The following NEK9 variants were observed in gnomAD, a reference collection of about 807,000 sequenced individuals.
The protein encoded by NEK9 is serine/threonine-protein kinase Nek9.
In NEK9, 75 loss-of-function variants were observed where a neutral mutation model predicts 123.4. The observed-to-expected ratio is 0.61, with a 90% CI of 0.50 to 0.74. The LOEUF is 0.74. Ranked by LOEUF, NEK9 falls within the 30% of genes least tolerant of loss-of-function variation. The pLI is 0.00. For synonymous variants in NEK9, 438 were observed against 458.7 expected (o/e 0.95, Z 0.58); for missense variants, 952 against 1,214.4 (o/e 0.78, Z 3.21).
At chr14:75,122,435 G>A (rs1338286656) in intron 2 of NEK9, among the ~76,000 whole-genome samples, 3 of 152,184 alleles carry the variant, frequency 2.0e-5, no homozygotes, top group Admixed American at 2.0e-4. Flanking sequence ...AGCTAGTACA[G>A]TATGTAGCAA....
At chr14:75,100,095 C>CTCTTT (rs1324112315) in intron 16 of NEK9, among the ~76,000 whole-genome samples, 2 of 114,366 alleles carry the variant, frequency 1.7e-5, no homozygotes, top group Non-Finnish European at 3.3e-5. Context: ...CGCCATTGTA[C>CTCTTT]TCTAGGCTGG....
chr14:75,103,077 C>A (rs374824428), intron 14 of NEK9, among the ~76,000 whole-genome samples: 4 of 151,726 alleles, frequency 2.6e-5, no homozygotes, highest in South Asian at 2.1e-4. Flanking sequence ...TAGCATTAGG[C>A]GATATACCTA....
At chr14:75,101,528 A>G (rs1238170524) in intron 15 of NEK9, 129 bp downstream of exon 15, 2 of 582,114 alleles carry the variant, frequency 3.4e-6, no homozygotes, top group Non-Finnish European at 6.1e-6. Flanking sequence ...GTACCTGAAT[A>G]CATTAATGAA....
chr14:75,122,789 CTTTTTTTT>C (rs35799337), intron 2 of NEK9, among the ~76,000 whole-genome samples: 105 of 80,126 alleles, frequency 1.3e-3, no homozygotes, highest in African/African-American at 5.1e-3. Flanking sequence ...CCACGCCCAG[CTTTTTTTT>C]TTTTTTTTTT....
At chr14:75,120,455 G>T in intron 4 of NEK9, 55 bp downstream of exon 4, 2 of 1,269,332 alleles carry the variant, frequency 1.6e-6, no homozygotes, top group Non-Finnish European at 2.3e-6. Context: ...GGGTATCCAC[G>T]GTAGGGGCTG....
chr14:75,121,035 A>G (rs745800237), intron 3 of NEK9, 84 bp downstream of exon 3: 1 of 1,099,708 alleles, frequency 9.1e-7, no homozygotes, highest in Admixed American at 1.7e-5. Context: ...AACACTCTTC[A>G]CTATTGGAAG....
chr14:75,113,256 ACTC>A (rs1043311710), intron 8 of NEK9, 80 bp downstream of exon 8: 372 of 1,042,482 alleles, frequency 3.6e-4, no homozygotes, highest in Non-Finnish European at 3.7e-4. Flanking sequence ...AGGAAACACT[ACTC>A]TTTCTTTTAG....
rs879161305 is a variant in NEK9, at chr14:75,109,550, A to G, written c.1182+135T>C. 23 of 748,622 alleles carry G rather than the reference A, an allele frequency of 3.1e-5. 1 individual carries two copies. The South Asian group carries it at 3.3e-4, about 11-fold the overall frequency. The allele number at this position is 748,622 out of a possible 1,614,324, so 46.4% of individuals were successfully genotyped here. A position where few individuals can be genotyped will look rare whatever the true frequency, so the allele number is the denominator to read the frequency against. On this transcript the variant is annotated intron_variant, in intron 10 of 21. Coordinates refer to ENST00000238616, the MANE Select transcript of NEK9 (RefSeq NM_033116.6). Reference sequence around the variant, plus strand: ...CTAAACAGACAAAATCCCTGCTCTTATAAGAGCTTCCATTCCATCACCCCA... The same window carrying G: ...CTAAACAGACAAAATCCCTGCTCTTGTAAGAGCTTCCATTCCATCACCCCA...
At chr14:75,115,111 G>GCACATATATGCACA (rs1246829995) in intron 6 of NEK9, among the ~76,000 whole-genome samples, 1 of 15,490 alleles carries the variant, frequency 6.5e-5, no homozygotes, top group Non-Finnish European at 1.8e-4. Flanking sequence ...ACACGTGTGT[G>GCACATATATGCACA]CGTACACACA....
At chr14:75,121,376 CCTCT>C (rs1163235194) in intron 2 of NEK9, among the ~76,000 whole-genome samples, 2 of 152,134 alleles carry the variant, frequency 1.3e-5, no homozygotes, top group African/African-American at 2.4e-5. Context: ...CAAAGATCTC[CCTCT>C]CTAACACAAG....
intron 19 of NEK9, among the ~76,000 whole-genome samples, chr14:75,089,108 C>T (rs1030855926): frequency 6.6e-6 from 1 of 152,090 alleles, no homozygotes; most frequent in Admixed American, 6.6e-5. Flanking sequence ...GCTCTGTTGC[C>T]CAGGCTGGAG....
chr14:75,119,464 T>A (rs992566187), intron 4 of NEK9, among the ~76,000 whole-genome samples: 4 of 152,202 alleles, frequency 2.6e-5, no homozygotes, highest in Non-Finnish European at 5.9e-5. Context: ...ATTAACTTCA[T>A]CCTCTAGGGC....
At chr14:75,122,048 AC>A (rs1895355749) in intron 2 of NEK9, among the ~76,000 whole-genome samples, 1 of 152,136 alleles carries the variant, frequency 6.6e-6, no homozygotes, top group South Asian at 2.1e-4. Flanking sequence ...GTGTGAATTT[AC>A]TTCTCTCTTT....
chr14:75,101,086 C>T lies in NEK9; in HGVS notation c.1908G>A (p.Lys636=), dbSNP rs1176001811. ...CCCCCAACAGGTTGATTCCCAGACG[C>T]TTCTTGTAGTTCCCAACGCCCAGCT... is the stretch of plus-strand genomic sequence containing the variant. ...CGQLGVGNYK[K]RLGINLLGGP... Residue 636 remains lysine (K), a synonymous_variant, in exon 16 of 22, where the codon AAG becomes AAA. Coordinates refer to ENST00000238616, the MANE Select transcript of NEK9 (RefSeq NM_033116.6). 5.0e-6 allele frequency: 8 copies of T among 1,614,148 alleles called. No individual in the cohort carries two copies. Among genetic ancestry groups the T allele is most frequent in the Non-Finnish European group, 5.9e-6 (7 of 1,180,060 alleles).
chr14:75,085,395 C>T (rs1893989790), intron 21 of NEK9, among the ~76,000 whole-genome samples: 1 of 152,190 alleles, frequency 6.6e-6, no homozygotes, highest in Non-Finnish European at 1.5e-5. Flanking sequence ...AACCAGGGCT[C>T]AGAGAAAACA....
At position 75,124,078 on chromosome 14, in the gene NEK9, G is replaced by T. The variant is rs1895432525; in HGVS notation, c.365C>A (p.Thr122Asn). Residue 122 changes from threonine (T) to asparagine (N), a missense_variant, in exon 2 of 22, where the codon ACC (threonine) becomes AAC (asparagine). Coordinates refer to ENST00000238616, the MANE Select transcript of NEK9 (RefSeq NM_033116.6). Reference sequence around the variant, plus strand: ...ATATTCCAGCTCAATCAGCAGCGTGGTATTGTCCATGAAGTGATTGTAGTA... The same window carrying T: ...ATATTCCAGCTCAATCAGCAGCGTGTTATTGTCCATGAAGTGATTGTAGTA... ...IAYYNHFMDN[T>N]TLLIELEYCN... The T allele has an allele frequency of 6.2e-7, 1 of 1,613,602 alleles. No homozygotes were observed. The highest frequency in any genetic ancestry group is 8.5e-7 in the Non-Finnish European group (1 of 1,179,682).
chr14:75,096,900 A>G, intron 17 of NEK9, 200 bp downstream of exon 17: 1 of 415,550 alleles, frequency 2.4e-6, no homozygotes, highest in Non-Finnish European at 4.2e-6. Context: ...AAAAATAATC[A>G]AGAGATGGCA....
intron 8 of NEK9, among the ~76,000 whole-genome samples, chr14:75,112,683 A>G (rs1218548741): frequency 6.6e-6 from 1 of 152,208 alleles, no homozygotes; most frequent in Non-Finnish European, 1.5e-5. Context: ...TTAGCCAGGC[A>G]TGATGGTGCA....
intron 1 of NEK9, 146 bp from the exon 2 acceptor site, chr14:75,124,369 G>A (rs1412905469): frequency 1.6e-6 from 1 of 613,486 alleles, no homozygotes; most frequent in Admixed American, 2.9e-5. Flanking sequence ...GACTTTAAAG[G>A]TTATGTGTAC....
Sources: allele counts gnomAD v4.1 joint callset (sites outside exome capture counted in the v4.1 genomes callset), GRCh38; gene constraint gnomAD v4.1.1; transcripts MANE v1.5; gene names NCBI Gene and HGNC (gene_info 2026-07-23, HGNC 2026-07-21).